The following FBRSL1 variants were observed in gnomAD, a reference collection of about 807,000 sequenced individuals.
The protein encoded by FBRSL1 is fibrosin like 1, also known as fibrosin-1-like protein.
A neutral mutation model predicts 89.6 loss-of-function variants in FBRSL1; 51 were observed. The observed-to-expected ratio is 0.57, with a 90% confidence interval of 0.45 to 0.72. FBRSL1 has a LOEUF of 0.72. FBRSL1 is among the 30% of genes least tolerant of loss of function. The pLI, the probability that FBRSL1 is intolerant of heterozygous loss-of-function variation, is 0.00. For synonymous variants in FBRSL1, 779 were observed against 681.1 expected, an observed-to-expected ratio of 1.14 and a Z score of -2.24; for missense variants, 1,618 against 1,451.8, an observed-to-expected ratio of 1.11 and a Z score of -1.86.
rs192448140 is a variant in FBRSL1 at position 132,536,891 on chromosome 12, A to T, written c.615+8903A>T. ...TACATAAATGTATGTGGCTGTGCAC[A>T]TGTGTGTACGTAACGGTGTCTTTGC... On this transcript the variant is annotated intron_variant, in intron 4 of 18. Coordinates refer to ENST00000680143, the MANE Select transcript of FBRSL1 (RefSeq NM_001367871.1). 6.6e-5 allele frequency among the ~76,000 whole-genome samples: 10 copies of T among 152,140 alleles called. 1 individual carries two copies. Among genetic ancestry groups the T allele is most frequent in the Non-Finnish European group, 1.3e-4 (9 of 67,944 alleles).
chr12:132,542,154 G>A (rs1178407057), intron 4 of FBRSL1, among the ~76,000 whole-genome samples: 1 of 152,268 alleles, frequency 6.6e-6, no homozygotes, highest in Non-Finnish European at 1.5e-5. Context: ...ATGGCACAGG[G>A]AGGGGCCAGG....
Position 132,542,958 on chromosome 12 carries a change from C to G in FBRSL1, c.616-5045C>G, listed in dbSNP as rs1262380615. On this transcript the variant is annotated intron_variant, in intron 4 of 18. Coordinates refer to ENST00000680143, the MANE Select transcript of FBRSL1 (RefSeq NM_001367871.1). ...TGTGGGGCTGACAGGCAGCCCCAAC[C>G]CCAACCCGTAGCCGCCCAGGGTCTG... 2.6e-5 allele frequency among the ~76,000 whole-genome samples: 4 copies of G among 152,220 alleles called. No individual in the cohort carries two copies. In the East Asian group the frequency reaches 7.7e-4, roughly 29 times the overall value.
intron 2 of FBRSL1, chr12:132,510,286 G>C: frequency 1.6e-6 from 2 of 1,230,312 alleles, no homozygotes; most frequent in Non-Finnish European, 2.0e-6. Context: ...GGGCTCCTGT[G>C]CCAGCCGCGG....
In FBRSL1 at chr12:132,570,585, G is replaced by T. The variant is rs927316975; in HGVS notation, c.1213+45G>T. 16 of 1,426,606 alleles carry T rather than the reference G, an allele frequency of 1.1e-5. No homozygotes were observed. In the Admixed American group the frequency reaches 2.6e-4, roughly 23 times the overall value. 88.4% of individuals were successfully genotyped at this position (1,426,606 alleles called of 1,614,324 possible). A position where few individuals can be genotyped will look rare whatever the true frequency, so the allele number is the denominator to read the frequency against. On this transcript the variant is annotated intron_variant, in intron 8 of 18. Transcript: ENST00000680143. Reference sequence around the variant, plus strand: ...TCTCGCCCAGGGCAGGGGTTGGGGGGTGCGGGGACACGGCCACCGGGGAGG... The same window carrying T: ...TCTCGCCCAGGGCAGGGGTTGGGGGTTGCGGGGACACGGCCACCGGGGAGG...
rs1322685119 is a variant in FBRSL1, at chr12:132,499,828, G to A, written c.292-8325G>A. On this transcript the variant is annotated intron_variant, in intron 1 of 18. Transcript: ENST00000680143. This position sits in a 1 kb window ranked among gnomAD's most constrained non-coding sequence, Gnocchi z 4.3. ...CACGTACCTGTGGAGGACGGCAGGC[G>A]TCCTCAGGAGTGTGAGGGACAGAAC... Among the ~76,000 whole-genome samples, 3 of 152,118 alleles carry A rather than the reference G, an allele frequency of 2.0e-5. No homozygotes were observed. The highest frequency in any genetic ancestry group is 4.4e-5 in the Non-Finnish European group (3 of 67,994).
intron 1 of FBRSL1, among the ~76,000 whole-genome samples, chr12:132,498,290 G>A (rs565234378): frequency 1.3e-5 from 2 of 152,276 alleles, no homozygotes; most frequent in South Asian, 2.1e-4. Flanking sequence ...GACAGCAGTC[G>A]GAATGTTCCA....
chr12:132,570,248 TC>T lies in FBRSL1; in HGVS notation c.1007+11del. Reference sequence around the variant, plus strand: ...ACGGCCTGCACGGCCTCAGGTGGGGTCCCCGCGGGGGACGGGGCCTGTGTGG... The same window carrying T: ...ACGGCCTGCACGGCCTCAGGTGGGGTCCCGCGGGGGACGGGGCCTGTGTGG... On this transcript the variant is annotated splice_region_variant and intron_variant, in intron 7 of 18. Transcript: ENST00000680143. 6.7e-7 allele frequency: 1 copy of T among 1,489,468 alleles called. No homozygotes were observed. Among genetic ancestry groups the T allele is most frequent in the Non-Finnish European group, 8.9e-7 (1 of 1,128,788 alleles). 92.3% of individuals were successfully genotyped at this position (1,489,468 alleles called of 1,614,324 possible).
intron 5 of FBRSL1, chr12:132,553,315 C>T (rs1357930684): frequency 1.3e-5 from 2 of 152,348 alleles, no homozygotes; most frequent in African/African-American, 4.8e-5. Flanking sequence ...CCTTCCTGAG[C>T]CTGCACTTTG....
At chr12:132,565,512 C>CACGTACCTGAGTGTGCTCACGTAT (rs1566214428) in intron 5 of FBRSL1, 2 of 53,858 alleles carry the variant, frequency 3.7e-5, no homozygotes, top group East Asian at 4.7e-3. Context: ...TCCTCATGTA[C>CACGTACCTGAGTGTGCTCACGTAT]ACGTACCCGA....
chr12:132,530,343 G>A (rs1308287429), intron 4 of FBRSL1, among the ~76,000 whole-genome samples: 1 of 152,182 alleles, frequency 6.6e-6, no homozygotes, highest in Non-Finnish European at 1.5e-5. Flanking sequence ...GAGGACTGTG[G>A]CCCCCACATA....
intron 2 of FBRSL1, chr12:132,511,389 C>G (rs1474228175): frequency 1.0e-6 from 1 of 985,698 alleles, no homozygotes; most frequent in East Asian, 1.1e-4. Context: ...ACCCCTGGGC[C>G]CATCCCTGCC....
rs1161346346 is a variant in FBRSL1, at chr12:132,528,051, C to T, written c.615+63C>T. The T allele has an allele frequency of 8.4e-6, 12 of 1,434,870 alleles. No homozygotes were observed. The Admixed American group carries it at 1.2e-4, about 14-fold the overall frequency. 88.9% of individuals were successfully genotyped at this position (1,434,870 alleles called of 1,614,324 possible). A position where few individuals can be genotyped will look rare whatever the true frequency, so the allele number is the denominator to read the frequency against. ...CTGGGGCCTTAGGACCAGGTCCCCA[C>T]CTCACCTGTCCGAGGCCCCACAACT... On this transcript the variant is annotated intron_variant, in intron 4 of 18. Transcript: ENST00000680143.
chr12:132,550,942 G>GC (rs1467283432), intron 5 of FBRSL1: 1 of 199,300 alleles, frequency 5.0e-6, no homozygotes, highest in African/African-American at 2.3e-5. Context: ...TGTGCGTGGA[G>GC]CCCATCCAGA....
chr12:132,536,078 CTG>C (rs1203554319), intron 4 of FBRSL1, among the ~76,000 whole-genome samples: 12 of 136,956 alleles, frequency 8.8e-5, no homozygotes, highest in East Asian at 4.8e-4. Context: ...ATAGTGTGTT[CTG>C]TGTGTACATG....
At chr12:132,537,844 C>T (rs944698413) in intron 4 of FBRSL1, among the ~76,000 whole-genome samples, 6 of 152,320 alleles carry the variant, frequency 3.9e-5, no homozygotes, top group Admixed American at 2.6e-4. Context: ...GATCCATGTT[C>T]TCAACAGACA....
intron 1 of FBRSL1, among the ~76,000 whole-genome samples, chr12:132,500,668 G>A (rs971566071): frequency 1.3e-5 from 2 of 152,088 alleles, no homozygotes; most frequent in Admixed American, 6.5e-5. Context: ...CATCCAGCCC[G>A]GGACAGCCCA....
In FBRSL1 at chr12:132,570,254, CG is replaced by C; in HGVS notation, c.1007+18del. ...TGCACGGCCTCAGGTGGGGTCCCCG[CG>C]GGGGACGGGGCCTGTGTGGTCTCAG... is the stretch of plus-strand genomic sequence containing the variant. On this transcript the variant is annotated intron_variant, in intron 7 of 18. Coordinates refer to ENST00000680143, the MANE Select transcript of FBRSL1 (RefSeq NM_001367871.1). The C allele has an allele frequency of 6.7e-7, 1 of 1,491,012 alleles. No individual in the cohort carries two copies. Among genetic ancestry groups the C allele is most frequent in the Non-Finnish European group, 8.9e-7 (1 of 1,128,852 alleles). 92.4% of individuals were successfully genotyped at this position (1,491,012 alleles called of 1,614,324 possible).
rs186606948 is a variant in FBRSL1 at position 132,548,542 on chromosome 12, G to A, written c.645+510G>A. The stretch of plus-strand genomic sequence containing the variant: ...GCAGGATTCCTGCAGCCTCAGCCAG[G>A]AGTGAACCCCCCGGGCAGCCCCTGA... On this transcript the variant is annotated intron_variant, in intron 5 of 18. Transcript: ENST00000680143. 1.1e-3 allele frequency among the ~76,000 whole-genome samples: 165 copies of A among 152,332 alleles called. 1 individual carries two copies. The highest frequency in any genetic ancestry group is 3.8e-3 in the African/African-American group (159 of 41,580).
chr12:132,525,027 G>A (rs935762068), intron 2 of FBRSL1, among the ~76,000 whole-genome samples: 8 of 152,062 alleles, frequency 5.3e-5, no homozygotes, highest in South Asian at 4.2e-4. Flanking sequence ...ACGCATCGGC[G>A]CCCATGTTGG....
Sources: gnomAD v4.1 joint callset for allele counts (sites outside exome capture counted in the v4.1 genomes callset) on GRCh38, gnomAD v4.1.1 for gene constraint, Gnocchi (gnomAD v3.1) non-coding constraint, MANE v1.5 for transcripts, NCBI Gene and HGNC (gene_info 2026-07-23, HGNC 2026-07-21) for gene names.